HDAC6: variants seen among roughly 807,000 people sequenced by gnomAD.
HDAC6 encodes histone deacetylase 6.
HDAC6 carries 5 observed loss-of-function variants against 88.9 expected under a neutral mutation model. The observed-to-expected ratio is 0.06, with a 90% CI of 0.03 to 0.12. The LOEUF (loss-of-function observed/expected upper bound fraction) is 0.12. Among genes scored for constraint, HDAC6 ranks in the 10% least tolerant of loss-of-function variants. The pLI is 1.00. For missense variants in HDAC6, 706 were observed against 1,014.4 expected (o/e 0.70, Z 4.13); for synonymous variants, 378 against 398.0 (o/e 0.95, Z 0.60).
rs1271248645 is a variant in HDAC6 at position 48,824,587 on chromosome X, G to A, written c.3623G>A (p.Gly1208Glu). 8.3e-7 allele frequency: 1 copy of A among 1,207,940 alleles called. No individual in the cohort carries two copies. The highest frequency in any genetic ancestry group is 1.8e-5 in the African/African-American group (1 of 56,637). The change falls in exon 29 of 29, where the codon GGG becomes GAG. Residue 1208 changes from glycine to glutamate, a missense_variant. Transcript: ENST00000334136. ...VKNIAHQNKF[G>E]EDMPHPH The stretch of plus-strand genomic sequence containing the variant: ...AACATCGCCCACCAGAACAAGTTTG[G>A]GGAGGATATGCCCCACCCACACTAA...
In HDAC6 at chrX:48,816,149, C is replaced by T. The variant is rs782200605; in HGVS notation, c.1502C>T (p.Pro501Leu). 8.3e-6 allele frequency: 10 copies of T among 1,211,564 alleles called. No individual in the cohort carries two copies. Among genetic ancestry groups the T allele is most frequent in the Non-Finnish European group, 1.1e-5 (10 of 895,534 alleles). ...CGTTTCCCCACTGCTAGCCACCACC[C>T]TGAGGTACCCCAGCGCATCTTGCGG... Reference protein sequence around the residue: ...NHCNLWDSHHPEVPQRILRIM... With the variant: ...NHCNLWDSHHLEVPQRILRIM... The change falls in exon 18 of 29, where the codon CCT becomes CTT. Residue 501 changes from proline (P) to leucine (L), a missense_variant. By Grantham distance (98) the Pro-to-Leu change is moderately conservative (BLOSUM62 -3). Around this residue, in one of 9 missense-constraint regions of HDAC6, gnomAD observed 106 missense variants for 135.1 expected, o/e 0.78. Coordinates refer to ENST00000334136, the MANE Select transcript of HDAC6 (RefSeq NM_006044.4).
chrX:48,815,688 G>A (rs782409624), intron 16 of HDAC6, 46 bp downstream of exon 16: 8 of 1,122,822 alleles, frequency 7.1e-6, no homozygotes, highest in Non-Finnish European at 9.8e-6. Flanking sequence ...CGTGGGATGA[G>A]CCCTGGGGGA....
chrX:48,824,913 G>A lies in HDAC6; in HGVS notation c.*301G>A, dbSNP rs1557032008. 1 of 1,087,959 alleles carries A rather than the reference G, an allele frequency of 9.2e-7. No homozygotes were observed. Among genetic ancestry groups the A allele is most frequent in the Admixed American group, 2.7e-5 (1 of 36,615 alleles). The allele number at this position is 1,087,959 out of a possible 1,213,427, so 89.7% of individuals were successfully genotyped here. A position where few individuals can be genotyped will look rare whatever the true frequency, so the allele number is the denominator to read the frequency against. On this transcript the variant is annotated 3_prime_UTR_variant, in exon 29 of 29. Coordinates refer to ENST00000334136, the MANE Select transcript of HDAC6 (RefSeq NM_006044.4). Reference sequence around the variant, plus strand: ...GATATCATGAGGATAACATTGGCGGGAGGGGAGTTAACTGGCAGGCATGGC... The same window carrying A: ...GATATCATGAGGATAACATTGGCGGAAGGGGAGTTAACTGGCAGGCATGGC...
rs139032847 is a variant in HDAC6 at position 48,819,025 on chromosome X, C to T, written c.2187+613C>T. Among the ~76,000 whole-genome samples, 881 of 112,116 alleles carry T rather than the reference C, an allele frequency of 7.9e-3. 12 individuals are homozygous for T. Among genetic ancestry groups the T allele is most frequent in the African/African-American group, 0.027 (822 of 30,802 alleles). ...GGAGGGAGGGAAAGGGTGTGAGCAC[C>T]GCTCTGTCACCCTGGGCGCCGGTGT... On this transcript the variant is annotated intron_variant, in intron 22 of 28. Transcript: ENST00000334136.
Position 48,814,492 on chromosome X carries a change from C to T in HDAC6, c.859C>T (p.Leu287=), listed in dbSNP as rs1189905092. 1.7e-6 allele frequency: 2 copies of T among 1,210,006 alleles called. No individual in the cohort carries two copies. The highest frequency in any genetic ancestry group is 2.2e-6 in the Non-Finnish European group (2 of 894,770). The stretch of plus-strand genomic sequence containing the variant: ...CGAGCAGGGTAGGTTCTGGCCCCAC[C>T]TGAAGGCCTCTAACTGGTCCACCAC... ...RYEQGRFWPH[L]KASNWSTTGF... The change falls in exon 11 of 29, where the codon CTG becomes TTG. Residue 287 remains leucine (L), a synonymous_variant. Coordinates refer to ENST00000334136, the MANE Select transcript of HDAC6 (RefSeq NM_006044.4).
chrX:48,824,337 CCA>C (rs782676483), intron 28 of HDAC6, 43 bp downstream of exon 28: 18 of 1,179,557 alleles, frequency 1.5e-5, no homozygotes, highest in Admixed American at 2.3e-5. Context: ...CACTCACCCC[CCA>C]CACACACACC....
At chrX:48,820,439 G>C (rs782186548) in intron 23 of HDAC6, among the ~76,000 whole-genome samples, 184 bp downstream of exon 23, 1 of 112,631 alleles carries the variant, frequency 8.9e-6, no homozygotes, top group South Asian at 3.7e-4. Flanking sequence ...ACTATGTGCA[G>C]AGCACTCTTC....
intron 10 of HDAC6, among the ~76,000 whole-genome samples, chrX:48,811,877 C>G (rs1279477217): frequency 8.9e-6 from 1 of 111,950 alleles, no homozygotes; most frequent in African/African-American, 3.2e-5. Flanking sequence ...CATTTATCAA[C>G]TCATTGGCCG....
At chrX:48,819,788 C>T (rs1557029060) in intron 22 of HDAC6, 1 of 341,011 alleles carries the variant, frequency 2.9e-6, no homozygotes, top group Non-Finnish European at 5.4e-6. Flanking sequence ...GATCTGCCCG[C>T]CTCGGCCTCC....
chrX:48,821,207 T>C (rs1378802216), intron 23 of HDAC6, among the ~76,000 whole-genome samples: 1 of 109,996 alleles, frequency 9.1e-6, no homozygotes, highest in Non-Finnish European at 1.9e-5. Flanking sequence ...ATTTTCTTTT[T>C]CTTTTTCTTT....
chrX:48,815,499 C>T lies in HDAC6; in HGVS notation c.1256+9C>T, dbSNP rs781969397. ...GGTGCCCCCTGCCGGAGGTGAGCCC[C>T]GGTGGAGGAGGGGAAAGCGGGAGCC... is the stretch of plus-strand genomic sequence containing the variant. On this transcript the variant is annotated intron_variant, in intron 15 of 28. Transcript: ENST00000334136. 1.1e-5 allele frequency: 13 copies of T among 1,198,224 alleles called. No individual in the cohort carries two copies. Among genetic ancestry groups the T allele is most frequent in the South Asian group, 1.8e-5 (1 of 56,150 alleles).
chrX:48,823,579 C>T lies in HDAC6; in HGVS notation c.3180C>T (p.Ser1060=), dbSNP rs1557031144. 5.0e-6 allele frequency: 6 copies of T among 1,206,683 alleles called. No individual in the cohort carries two copies. The highest frequency in any genetic ancestry group is 4.4e-5 in the Admixed American group (2 of 45,769). ...GTCTCAGGACCTTGGAGCTAGGCAG[C>T]GAATCTCAGGTAAGGCTCACCACAC... The part of the protein sequence containing the change: ...IGSLRTLELG[S]ESQGASESQA... Residue 1060 remains serine (S), a synonymous_variant, in exon 25 of 29, where the codon AGC becomes AGT. Transcript: ENST00000334136.
rs991273417 is a variant in HDAC6, at chrX:48,814,153, G to A, written c.807-287G>A. ...GGGGGCAGCGATGTTTGCTGAGGGA[G>A]AGGTTCTGGTGAGAGACTAAATGAA... On this transcript the variant is annotated intron_variant, in intron 10 of 28. Coordinates refer to ENST00000334136, the MANE Select transcript of HDAC6 (RefSeq NM_006044.4). 4.9e-5 allele frequency: 15 copies of A among 308,709 alleles called. No individual in the cohort carries two copies. In the South Asian group the frequency reaches 5.2e-4, roughly 11 times the overall value. 25.4% of individuals were successfully genotyped at this position (308,709 alleles called of 1,213,427 possible). A position where few individuals can be genotyped will look rare whatever the true frequency, so the allele number is the denominator to read the frequency against.
chrX:48,810,771 G>A (rs1225765462), intron 10 of HDAC6: 1 of 110,120 alleles, frequency 9.1e-6, no homozygotes, highest in African/African-American at 3.3e-5. Flanking sequence ...AGCATACCCA[G>A]CTAATTTTTT....
In HDAC6 at chrX:48,802,837, G is replaced by A. The variant is rs782487564; in HGVS notation, c.94-34G>A. ...GGGGGAGAGGGAGCAAGTTGGTCAT[G>A]CCCTGGACTCTGACCCTTCTCTCTG... On this transcript the variant is annotated intron_variant, in intron 2 of 28. Transcript: ENST00000334136. 9 of 1,207,596 alleles carry A rather than the reference G, an allele frequency of 7.5e-6. No homozygotes were observed. In the South Asian group the frequency reaches 1.1e-4, roughly 14 times the overall value.
In HDAC6 at chrX:48,823,688, A is replaced by G; in HGVS notation, c.3206A>G (p.Gln1069Arg). The G allele has an allele frequency of 8.3e-7, 1 of 1,206,853 alleles. No individual in the cohort carries two copies. Among genetic ancestry groups the G allele is most frequent in the Non-Finnish European group, 1.1e-6 (1 of 892,257 alleles). Residue 1069 changes from glutamine (Q) to arginine (R), a missense_variant, in exon 26 of 29, where the codon CAG becomes CGG. By Grantham distance (43) the Gln-to-Arg change is conservative. Coordinates refer to ENST00000334136, the MANE Select transcript of HDAC6 (RefSeq NM_006044.4). The stretch of plus-strand genomic sequence containing the variant: ...CGTGTCCAGGGGGCCTCAGAATCTC[A>G]GGCCCCAGGAGAGGAGAACCTACTA... ...GSESQGASES[Q>R]APGEENLLGE...
At position 48,806,463 on chromosome X, in the gene HDAC6, C is replaced by T; in HGVS notation, c.533C>T (p.Pro178Leu). 4 of 1,163,933 alleles carry T rather than the reference C, an allele frequency of 3.4e-6. No individual in the cohort carries two copies. Among genetic ancestry groups the T allele is most frequent in the Non-Finnish European group, 3.5e-6 (3 of 851,575 alleles). ...ADTYDSVYLH[P>L]NSYSCACLAS... ...ACCTACGACTCAGTTTATCTGCATC[C>T]GGTATGGATGAGAACTCTGCGGGCA... is the stretch of plus-strand genomic sequence containing the variant. The change falls in exon 7 of 29, where the codon CCG (proline) becomes CTG (leucine). Residue 178 changes from proline (P) to leucine (L), a missense_variant and splice_region_variant. Physicochemically the swap from Pro to Leu is moderately conservative, Grantham distance 98. Coordinates refer to ENST00000334136, the MANE Select transcript of HDAC6 (RefSeq NM_006044.4).
chrX:48,823,672 G>A lies in HDAC6; in HGVS notation c.3190G>A (p.Gly1064Arg), dbSNP rs2063122125. The A allele has an allele frequency of 8.3e-7, 1 of 1,204,461 alleles. No individual in the cohort carries two copies. The highest frequency in any genetic ancestry group is 1.7e-5 in the African/African-American group (1 of 57,563). The change falls in exon 26 of 29, where the codon GGG (glycine) becomes AGG (arginine). Residue 1064 changes from glycine to arginine, a missense_variant and splice_region_variant. Transcript: ENST00000334136. ...RTLELGSESQ[G>R]ASESQAPGEE... ...ACATCTCTTACTTCTGCGTGTCCAG[G>A]GGGCCTCAGAATCTCAGGCCCCAGG...
At chrX:48,805,952 G>T in intron 6 of HDAC6, 1 of 415,185 alleles carries the variant, frequency 2.4e-6, no homozygotes, top group Non-Finnish European at 4.2e-6. Flanking sequence ...TGAATAGATG[G>T]TGGATGTGTG....
Sources: allele counts gnomAD v4.1 joint callset (sites outside exome capture counted in the v4.1 genomes callset), GRCh38; gene constraint gnomAD v4.1.1; regional missense constraint gnomAD v4.1.1; transcripts MANE v1.5; gene names NCBI Gene and HGNC (gene_info 2026-07-23, HGNC 2026-07-21).